Variants in SGIP1 observed in about 807,000 individuals in gnomAD.
The protein encoded by SGIP1 is SH3-containing GRB2-like protein 3-interacting protein 1.
SGIP1 carries 38 observed loss-of-function variants against 107.5 expected under a neutral mutation model. That is an observed-to-expected ratio of 0.35 (90% confidence interval 0.27 to 0.46). The LOEUF is 0.46. Ranked by LOEUF, SGIP1 falls within the 20% of genes least tolerant of loss-of-function variation. The pLI, the probability that SGIP1 is intolerant of heterozygous loss-of-function variation, is 1.00. For synonymous variants in SGIP1, 365 were observed against 366.1 expected, an observed-to-expected ratio of 1.00 and a Z score of 0.03; for missense variants, 929 against 1,019.5, an observed-to-expected ratio of 0.91 and a Z score of 1.21.
chr1:66,647,869 A>T (rs905109869), intron 7 of SGIP1, among the ~76,000 whole-genome samples: 38 of 152,056 alleles, frequency 2.5e-4, no homozygotes, highest in Admixed American at 4.6e-4. Context: ...TTGTAGTTGT[A>T]CTCTTTAAAG....
chr1:66,723,377 C>A (rs1049395714), intron 19 of SGIP1, among the ~76,000 whole-genome samples: 2 of 152,150 alleles, frequency 1.3e-5, no homozygotes, highest in African/African-American at 4.8e-5. Context: ...ATATTCGGAG[C>A]ACCCATAACA....
At chr1:66,551,085 A>C (rs193064987) in intron 1 of SGIP1, among the ~76,000 whole-genome samples, 18 of 152,272 alleles carry the variant, frequency 1.2e-4, no homozygotes, top group Admixed American at 9.8e-4. Context: ...AGGCTCAGAG[A>C]GTTTATAACT....
chr1:66,684,328 G>T (rs2087659146), intron 15 of SGIP1: 7 of 1,296,086 alleles, frequency 5.4e-6, no homozygotes, highest in Non-Finnish European at 7.3e-6. Flanking sequence ...ATCACCAAAA[G>T]TCTTCTCTCA....
At chr1:66,595,846 A>C (rs1365124906) in intron 1 of SGIP1, among the ~76,000 whole-genome samples, 1 of 152,220 alleles carries the variant, frequency 6.6e-6, no homozygotes. Context: ...GTATGAGTCC[A>C]TTTGTTCATA....
intron 1 of SGIP1, among the ~76,000 whole-genome samples, chr1:66,624,241 G>A (rs10889636): frequency 0.36 from 55,156 of 151,970 alleles, 10,453 homozygotes; most frequent in African/African-American, 0.47. Flanking sequence ...AAGGAAAATA[G>A]TAGGGATAGA....
At chr1:66,640,280 A>G (rs2076532243) in intron 5 of SGIP1, among the ~76,000 whole-genome samples, 1 of 152,194 alleles carries the variant, frequency 6.6e-6, no homozygotes, top group South Asian at 2.1e-4. Context: ...TCAAGGAGCT[A>G]ATTATTTGCA....
chr1:66,720,488 G>A (rs2093474562), intron 19 of SGIP1, among the ~76,000 whole-genome samples: 1 of 152,164 alleles, frequency 6.6e-6, no homozygotes, highest in African/African-American at 2.4e-5. Context: ...AGCACTTTGG[G>A]AGGCCAAGAC....
chr1:66,577,047 T>G (rs1284418557), intron 1 of SGIP1, among the ~76,000 whole-genome samples: 1 of 152,202 alleles, frequency 6.6e-6, no homozygotes, highest in Non-Finnish European at 1.5e-5. Flanking sequence ...GGGCAACTTT[T>G]AGTGCATTGG....
intron 1 of SGIP1, among the ~76,000 whole-genome samples, chr1:66,586,965 T>C (rs1272310622): frequency 6.6e-6 from 1 of 152,062 alleles, no homozygotes; most frequent in Admixed American, 6.5e-5. Flanking sequence ...GAGTTGATGG[T>C]AGTTTTTTGT....
chr1:66,671,911 T>G (rs1342074063), intron 10 of SGIP1, 33 bp from the exon 11 acceptor site: 2 of 1,609,638 alleles, frequency 1.2e-6, no homozygotes, highest in East Asian at 4.5e-5. Context: ...TGGTAAAAAT[T>G]TGTCTAAAAA....
chr1:66,636,555 T>C (rs2075815075), intron 4 of SGIP1, among the ~76,000 whole-genome samples: 2 of 152,210 alleles, frequency 1.3e-5, no homozygotes, highest in Non-Finnish European at 2.9e-5. Flanking sequence ...GTTCCTCAGT[T>C]GCACTTGACA....
chr1:66,562,899 T>C (rs1056378611), intron 1 of SGIP1, among the ~76,000 whole-genome samples: 25 of 152,062 alleles, frequency 1.6e-4, no homozygotes, highest in African/African-American at 5.6e-4. Context: ...TGGCCTGTGA[T>C]TTTTAAGAAT....
At chr1:66,728,211 G>A (rs577703836) in intron 19 of SGIP1, among the ~76,000 whole-genome samples, 14 of 152,218 alleles carry the variant, frequency 9.2e-5, no homozygotes, top group Admixed American at 2.0e-4. Context: ...CATGCTAAAG[G>A]CATTACTCAT....
chr1:66,720,183 T>G (rs950524526), intron 19 of SGIP1, among the ~76,000 whole-genome samples: 2 of 152,184 alleles, frequency 1.3e-5, no homozygotes, highest in African/African-American at 4.8e-5. Context: ...GTGTGCATTA[T>G]TCTATAAAAA....
chr1:66,650,446 G>C (rs911635747), intron 7 of SGIP1, among the ~76,000 whole-genome samples: 1 of 152,096 alleles, frequency 6.6e-6, no homozygotes, highest in Admixed American at 6.6e-5. Flanking sequence ...ATACTGAACA[G>C]TCTGAGAAAA....
At position 66,689,153 on chromosome 1, in the gene SGIP1, T is replaced by C. The variant is rs2089248821; in HGVS notation, c.1321T>C (p.Ser441Pro). 6.2e-7 allele frequency: 1 copy of C among 1,612,280 alleles called. No individual in the cohort carries two copies. Among genetic ancestry groups the C allele is most frequent in the Non-Finnish European group, 8.5e-7 (1 of 1,179,094 alleles). Residue 441 changes from serine (S) to proline (P), a missense_variant, in exon 16 of 25, where the codon TCA becomes CCA. Coordinates refer to ENST00000371037, the MANE Select transcript of SGIP1 (RefSeq NM_032291.4). ...GPGPGTTSGA[S>P]SPARPATPLV... ...AATGCTAGTTTGTTTTTCAGGTGCA[T>C]CATCCCCTGCTCGACCAGCCACTCC...
At chr1:66,708,971 A>T (rs368987208) in intron 18 of SGIP1, among the ~76,000 whole-genome samples, 1 of 151,932 alleles carries the variant, frequency 6.6e-6, no homozygotes, top group Non-Finnish European at 1.5e-5. Flanking sequence ...CATGTTTATC[A>T]ATCATTCGAA....
chr1:66,578,653 A>G (rs1442364522), intron 1 of SGIP1, among the ~76,000 whole-genome samples: 4 of 152,114 alleles, frequency 2.6e-5, no homozygotes, highest in Non-Finnish European at 5.9e-5. Flanking sequence ...AATTGTACAA[A>G]TGGACTCACT....
At chr1:66,593,808 C>T (rs61798704) in intron 1 of SGIP1, among the ~76,000 whole-genome samples, 4 of 152,036 alleles carry the variant, frequency 2.6e-5, no homozygotes, top group East Asian at 1.9e-4. Context: ...CGGCCCATTT[C>T]GGGTCCTCAT....
Sources: allele counts gnomAD v4.1 joint callset (sites outside exome capture counted in the v4.1 genomes callset), GRCh38; gene constraint gnomAD v4.1.1; transcripts MANE v1.5; gene names NCBI Gene and HGNC (gene_info 2026-07-23, HGNC 2026-07-21).